Variants in AGBL4 observed in about 807,000 individuals in gnomAD.
The protein encoded by AGBL4 is AGBL carboxypeptidase 4.
AGBL4 carries 58 observed loss-of-function variants against 66.4 expected under a neutral mutation model. That is an observed-to-expected ratio of 0.87 (90% CI 0.71 to 1.09). The LOEUF is 1.09. AGBL4 is among the 50% of genes least tolerant of loss of function. AGBL4 has a pLI of 0.00. For missense variants in AGBL4, 579 were observed against 631.0 expected (o/e 0.92, Z 0.88); for synonymous variants, 234 against 222.9 (o/e 1.05, Z -0.44).
At chr1:49,730,162 G>A (rs1649329335) in intron 2 of AGBL4, among the ~76,000 whole-genome samples, 1 of 152,056 alleles carries the variant, frequency 6.6e-6, no homozygotes. Flanking sequence ...CCCACTTCAG[G>A]TCCCCTCTTG....
At chr1:48,788,794 G>A (rs564565559) in intron 6 of AGBL4, among the ~76,000 whole-genome samples, 100 of 152,246 alleles carry the variant, frequency 6.6e-4, no homozygotes, top group African/African-American at 2.3e-3. Flanking sequence ...TGAACTATTT[G>A]GTGAGCGCTT....
chr1:49,480,990 G>A (rs969065572), intron 3 of AGBL4, among the ~76,000 whole-genome samples: 1 of 151,978 alleles, frequency 6.6e-6, no homozygotes, highest in African/African-American at 2.4e-5. Context: ...TGTTCCATTG[G>A]TCTATGTGTG....
intron 4 of AGBL4, among the ~76,000 whole-genome samples, chr1:49,101,844 C>A (rs975069504): frequency 4.7e-4 from 72 of 152,012 alleles, no homozygotes; most frequent in Non-Finnish European, 5.4e-4. Context: ...GGGATATGAA[C>A]AAAAATTAGG....
intron 2 of AGBL4, among the ~76,000 whole-genome samples, chr1:49,769,005 C>T (rs1442974911): frequency 6.6e-6 from 1 of 152,118 alleles, no homozygotes; most frequent in African/African-American, 2.4e-5. Flanking sequence ...TATGCCACCA[C>T]ATCCAGCTAA....
rs551785367 is a variant in AGBL4, at chr1:49,501,664, T to G, written c.282+195649A>C. ...CTTATTTATATTTTTATCTTTATTA[T>G]TTCCTTCCTTTTCTAGTTCCTTGAG... On this transcript the variant is annotated intron_variant, in intron 3 of 13. Transcript: ENST00000371839. 6.6e-5 allele frequency among the ~76,000 whole-genome samples: 10 copies of G among 152,134 alleles called. No individual in the cohort carries two copies. The East Asian group carries it at 1.5e-3, about 23-fold the overall frequency.
At position 49,871,000 on chromosome 1, in the gene AGBL4, C is replaced by T. The variant is rs186298898; in HGVS notation, c.35-19482G>A. ...TAAACAGCATTTGTGAGACGTGGGG[C>T]CAGAAAATAAAACTATTCAACCCCA... On this transcript the variant is annotated intron_variant, in intron 1 of 13. Coordinates refer to ENST00000371839, the MANE Select transcript of AGBL4 (RefSeq NM_032785.4). Among the ~76,000 whole-genome samples the T allele has an allele frequency of 4.6e-5, 7 of 151,984 alleles. No individual in the cohort carries two copies. The East Asian group carries it at 1.4e-3, about 29-fold the overall frequency.
At chr1:48,745,548 C>T (rs1453636258) in intron 6 of AGBL4, among the ~76,000 whole-genome samples, 1 of 152,154 alleles carries the variant, frequency 6.6e-6, no homozygotes, top group East Asian at 1.9e-4. Flanking sequence ...CTAACCCTCT[C>T]CACACATACA....
At chr1:49,806,353 G>A (rs1195237373) in intron 2 of AGBL4, among the ~76,000 whole-genome samples, 4 of 152,188 alleles carry the variant, frequency 2.6e-5, no homozygotes, top group Middle Eastern at 3.2e-3. Context: ...CTGTGTCCTA[G>A]TATTTTGTTG....
intron 1 of AGBL4, among the ~76,000 whole-genome samples, chr1:49,976,731 C>A (rs1335819457): frequency 6.6e-6 from 1 of 152,184 alleles, no homozygotes; most frequent in Admixed American, 6.5e-5. Context: ...AATTCCTATG[C>A]TACTTTGTAA....
Position 48,736,123 on chromosome 1 carries a change from C to G in AGBL4, c.635-72882G>C. The G allele has an allele frequency of 8.2e-7, 1 of 1,224,460 alleles. No homozygotes were observed. Among genetic ancestry groups the G allele is most frequent in the East Asian group, 2.3e-5 (1 of 42,826 alleles). 75.8% of individuals were successfully genotyped at this position (1,224,460 alleles called of 1,614,324 possible). A position where few individuals can be genotyped will look rare whatever the true frequency, so the allele number is the denominator to read the frequency against. On this transcript the variant is annotated intron_variant, in intron 6 of 13. Transcript: ENST00000371839. This position sits in a 1 kb window ranked among gnomAD's most constrained non-coding sequence, Gnocchi z 4.0. ...CCGCTTGGTGTCCCCGGGCTCAGCCCAGGGTCTGGCATGCAGAAGCTTCAT... is the reference window on the plus strand; with the variant it reads ...CCGCTTGGTGTCCCCGGGCTCAGCCGAGGGTCTGGCATGCAGAAGCTTCAT...
chr1:48,718,848 C>G (rs909495711), intron 6 of AGBL4, among the ~76,000 whole-genome samples: 3 of 152,178 alleles, frequency 2.0e-5, no homozygotes, highest in Non-Finnish European at 2.9e-5. Flanking sequence ...GACACCCTAA[C>G]TAAGTGCTCA....
chr1:49,095,255 C>A (rs531953626), intron 4 of AGBL4, among the ~76,000 whole-genome samples: 1 of 152,318 alleles, frequency 6.6e-6, no homozygotes, highest in South Asian at 2.1e-4. Flanking sequence ...AATGACCATA[C>A]TGCTCAAGGT....
chr1:48,926,244 A>ATTATT (rs138261010), intron 5 of AGBL4, among the ~76,000 whole-genome samples: 19,914 of 142,252 alleles, frequency 0.14, 1,784 homozygotes, highest in East Asian at 0.3. Flanking sequence ...ATGACCATGA[A>ATTATT]TTATTTTATT....
intron 5 of AGBL4, among the ~76,000 whole-genome samples, chr1:48,952,393 C>T (rs1657069636): frequency 6.6e-6 from 1 of 151,998 alleles, no homozygotes; most frequent in South Asian, 2.1e-4. Flanking sequence ...ATAATAATAA[C>T]AGATATGAAG....
chr1:49,875,182 T>A (rs947276962), intron 1 of AGBL4, among the ~76,000 whole-genome samples: 11 of 150,178 alleles, frequency 7.3e-5, no homozygotes, highest in Non-Finnish European at 4.4e-5. Flanking sequence ...ATACTTTAAG[T>A]TTTAGGGTAC....
Position 48,592,384 on chromosome 1 carries a change from T to C in AGBL4, c.952-1399A>G, listed in dbSNP as rs140157862. Among the ~76,000 whole-genome samples, 32 of 152,336 alleles carry C rather than the reference T, an allele frequency of 2.1e-4. No individual in the cohort carries two copies. In the East Asian group the frequency reaches 5.6e-3, roughly 27 times the overall value. The stretch of plus-strand genomic sequence containing the variant: ...AATGAAAACCATGTTGCTTCTAGAA[T>C]GTGGGCTCAATGACTGTCATTTCAT... On this transcript the variant is annotated intron_variant, in intron 9 of 13. Transcript: ENST00000371839.
chr1:49,880,935 G>A lies in AGBL4; in HGVS notation c.35-29417C>T, dbSNP rs532362990. Among the ~76,000 whole-genome samples the A allele has an allele frequency of 3.4e-3, 519 of 152,170 alleles. 5 individuals are homozygous for A. The highest frequency in any genetic ancestry group is 0.011 in the African/African-American group (460 of 41,488). ...GTGACCCGATTTTCCAGGTGCGTCC[G>A]TCACCCCTTTCTTTGACTCGGAAAG... On this transcript the variant is annotated intron_variant, in intron 1 of 13. Transcript: ENST00000371839.
intron 3 of AGBL4, among the ~76,000 whole-genome samples, chr1:49,465,080 A>G (rs555914636): frequency 6.6e-6 from 1 of 151,810 alleles, no homozygotes; most frequent in East Asian, 1.9e-4. Context: ...AACAAAGTAG[A>G]ATGTCAGGCC....
chr1:48,568,724 C>T (rs530800974), intron 11 of AGBL4, among the ~76,000 whole-genome samples: 6 of 152,196 alleles, frequency 3.9e-5, no homozygotes, highest in Non-Finnish European at 8.8e-5. Flanking sequence ...CCTAGAATGT[C>T]CATTTCATTC....
Sources: allele counts gnomAD v4.1 joint callset (sites outside exome capture counted in the v4.1 genomes callset), GRCh38; gene constraint gnomAD v4.1.1; non-coding constraint Gnocchi (gnomAD v3.1); transcripts MANE v1.5; gene names NCBI Gene and HGNC (gene_info 2026-07-23, HGNC 2026-07-21).